Variants in BTRC observed in about 807,000 individuals in gnomAD.
BTRC encodes the protein beta-transducin repeat containing E3 ubiquitin protein ligase.
Under a neutral mutation model 85.5 loss-of-function variants are expected in BTRC, and 42 were observed. That is an observed-to-expected ratio of 0.49 (90% CI 0.38 to 0.64). BTRC has a LOEUF of 0.64. Ranked by LOEUF, BTRC falls within the 30% of genes least tolerant of loss-of-function variation. The pLI is 0.00. For missense variants in BTRC, 594 were observed against 743.5 expected, an observed-to-expected ratio of 0.80 and a Z score of 2.34; for synonymous variants, 255 against 263.3, an observed-to-expected ratio of 0.97 and a Z score of 0.30.
intron 1 of BTRC, among the ~76,000 whole-genome samples, chr10:101,409,236 C>T (rs1450052087): frequency 1.3e-5 from 2 of 152,142 alleles, no homozygotes; most frequent in Admixed American, 6.5e-5. Context: ...TTTCTATTCC[C>T]TTCCTTCAGC....
chr10:101,503,280 A>G (rs1001635314), intron 4 of BTRC, among the ~76,000 whole-genome samples: 1 of 152,210 alleles, frequency 6.6e-6, no homozygotes, highest in African/African-American at 2.4e-5. Context: ...TTATCCATCT[A>G]TGCAAAGCAG....
At chr10:101,458,059 G>T (rs754874015) in intron 2 of BTRC, among the ~76,000 whole-genome samples, 1 of 152,082 alleles carries the variant, frequency 6.6e-6, no homozygotes, top group Non-Finnish European at 1.5e-5. Context: ...GTTTCAGTGC[G>T]TGTTTCCAGA....
intron 4 of BTRC, among the ~76,000 whole-genome samples, chr10:101,487,560 A>G (rs1412233408): frequency 6.6e-6 from 1 of 152,208 alleles, no homozygotes; most frequent in Non-Finnish European, 1.5e-5. Flanking sequence ...TGATATTGTA[A>G]AAATAATGAG....
At position 101,362,289 on chromosome 10, in the gene BTRC, C is replaced by T. The variant is rs554793854; in HGVS notation, c.48+8061C>T. Among the ~76,000 whole-genome samples, 3 of 151,948 alleles carry T rather than the reference C, an allele frequency of 2.0e-5. No homozygotes were observed. The East Asian group carries it at 5.8e-4, about 29-fold the overall frequency. ...GGAATTTCTTTCTAAAGTCTTGCTC[C>T]TTTCTGTAGTTTGGCTTTCCTTTCA... On this transcript the variant is annotated intron_variant, in intron 1 of 14. Coordinates refer to ENST00000370187, the MANE Select transcript of BTRC (RefSeq NM_033637.4).
intron 1 of BTRC, among the ~76,000 whole-genome samples, chr10:101,362,737 TAGCTAAC>T (rs1368610351): frequency 1.3e-5 from 2 of 152,228 alleles, no homozygotes; most frequent in South Asian, 2.1e-4. Context: ...CAGCCACGAA[TAGCTAAC>T]AGCTAACAGC....
chr10:101,491,428 C>G (rs1946130364), intron 4 of BTRC, among the ~76,000 whole-genome samples: 1 of 152,118 alleles, frequency 6.6e-6, no homozygotes, highest in South Asian at 2.1e-4. Flanking sequence ...CCTGGTTCGG[C>G]TCACACTTGT....
intron 2 of BTRC, among the ~76,000 whole-genome samples, chr10:101,447,573 C>A (rs906121355): frequency 6.6e-6 from 1 of 152,146 alleles, no homozygotes; most frequent in Non-Finnish European, 1.5e-5. Context: ...TGTTTGATAT[C>A]TGTCAAACCA....
chr10:101,535,398 A>T lies in BTRC; in HGVS notation c.1392A>T (p.Gly464=), dbSNP rs200193799. Residue 464 remains glycine, a synonymous_variant, in exon 11 of 15, where the codon GGA becomes GGT. Transcript: ENST00000370187. Reference sequence around the variant, plus strand: ...GTGAATTTGTAAGGACCTTAAATGGACACAAACGAGGCATTGCCTGTTTGC... The same window carrying T: ...GTGAATTTGTAAGGACCTTAAATGGTCACAAACGAGGCATTGCCTGTTTGC... The part of the protein sequence containing the change: ...STCEFVRTLN[G]HKRGIACLQY... 5 of 1,614,048 alleles carry T rather than the reference A, an allele frequency of 3.1e-6. No individual in the cohort carries two copies. The highest frequency in any genetic ancestry group is 1.3e-5 in the African/African-American group (1 of 74,930).
rs11190968 is a variant in BTRC, at chr10:101,366,851, A to T, written c.48+12623A>T. Among the ~76,000 whole-genome samples, 39 of 25,624 alleles carry T rather than the reference A, an allele frequency of 1.5e-3. 3 individuals carry two copies. Among genetic ancestry groups the T allele is most frequent in the African/African-American group, 5.8e-3 (30 of 5,198 alleles). 16.8% of individuals were successfully genotyped at this position (25,624 alleles called of 152,430 possible). On this transcript the variant is annotated intron_variant, in intron 1 of 14. Coordinates refer to ENST00000370187, the MANE Select transcript of BTRC (RefSeq NM_033637.4). The stretch of plus-strand genomic sequence containing the variant: ...ATATTTATATATATTTATGTATATT[A>T]ATATATATTTATATATTAATATATA...
intron 9 of BTRC, among the ~76,000 whole-genome samples, chr10:101,533,347 G>A (rs960402891): frequency 6.6e-6 from 1 of 152,166 alleles, no homozygotes; most frequent in African/African-American, 2.4e-5. Flanking sequence ...GGTAAACTTT[G>A]CATTCCTTAC....
chr10:101,379,732 G>T (rs1333799882), intron 1 of BTRC, among the ~76,000 whole-genome samples: 1 of 151,902 alleles, frequency 6.6e-6, no homozygotes, highest in African/African-American at 2.4e-5. Flanking sequence ...AAGTCTGAAC[G>T]TTTTATTTCC....
intron 1 of BTRC, among the ~76,000 whole-genome samples, chr10:101,368,887 CG>C (rs1418435781): frequency 6.6e-6 from 1 of 152,006 alleles, no homozygotes; most frequent in African/African-American, 2.4e-5. Context: ...GATGTGGTGG[CG>C]GGCACCTGTA....
Position 101,403,908 on chromosome 10 carries a change from A to G in BTRC, c.49-26437A>G, listed in dbSNP as rs1179640450. ...CTGCACCTGGCCCATTTAGTTCTTT[A>G]TATCTGTTGTTTCTTTGCTGGTACT... On this transcript the variant is annotated intron_variant, in intron 1 of 14. Coordinates refer to ENST00000370187, the MANE Select transcript of BTRC (RefSeq NM_033637.4). Among the ~76,000 whole-genome samples, 9 of 142,364 alleles carry G rather than the reference A, an allele frequency of 6.3e-5. No individual in the cohort carries two copies. In the East Asian group the frequency reaches 1.9e-3, roughly 31 times the overall value. 93.4% of individuals were successfully genotyped at this position (142,364 alleles called of 152,430 possible). A position where few individuals can be genotyped will look rare whatever the true frequency, so the allele number is the denominator to read the frequency against.
intron 9 of BTRC, 118 bp downstream of exon 9, chr10:101,533,188 C>G (rs1014311093): frequency 1.3e-5 from 8 of 621,214 alleles, no homozygotes; most frequent in Non-Finnish European, 2.2e-5. Flanking sequence ...GAATAAACCA[C>G]CAGGTCCCCA....
At chr10:101,494,028 A>C (rs1946201070) in intron 4 of BTRC, among the ~76,000 whole-genome samples, 1 of 152,202 alleles carries the variant, frequency 6.6e-6, no homozygotes, top group Non-Finnish European at 1.5e-5. Context: ...TCACTTGGTG[A>C]ATTGAAAGAG....
intron 4 of BTRC, among the ~76,000 whole-genome samples, chr10:101,490,572 G>A (rs1946104737): frequency 6.6e-6 from 1 of 152,088 alleles, no homozygotes; most frequent in Admixed American, 6.6e-5. Context: ...GGTAGTATTT[G>A]GAGGCCTCTG....
intron 13 of BTRC, among the ~76,000 whole-genome samples, chr10:101,543,052 A>AT (rs1202453785): frequency 6.6e-5 from 10 of 151,764 alleles, no homozygotes; most frequent in Admixed American, 3.9e-4. Flanking sequence ...AATTTTTTGT[A>AT]TTTTCAGTAG....
intron 10 of BTRC, 94 bp from the exon 11 acceptor site, chr10:101,535,260 C>A: frequency 1.1e-6 from 1 of 919,196 alleles, no homozygotes; most frequent in South Asian, 1.5e-5. Flanking sequence ...TCTAATGGTT[C>A]AGTCCTGTTT....
chr10:101,541,662 A>C (rs778548453), intron 13 of BTRC, among the ~76,000 whole-genome samples: 9 of 152,190 alleles, frequency 5.9e-5, no homozygotes, highest in South Asian at 2.1e-4. Flanking sequence ...ATTTTGTGAA[A>C]TGCTTTATCT....
Sources: gnomAD v4.1 joint callset for allele counts (sites outside exome capture counted in the v4.1 genomes callset) on GRCh38, gnomAD v4.1.1 for gene constraint, MANE v1.5 for transcripts, NCBI Gene and HGNC (gene_info 2026-07-23, HGNC 2026-07-21) for gene names.